The following FGGY variants were observed in gnomAD, a reference collection of about 807,000 sequenced individuals.
FGGY encodes the protein FGGY carbohydrate kinase domain-containing protein.
In FGGY, 72 loss-of-function variants were observed where a neutral mutation model predicts 71.3. That is an observed-to-expected ratio of 1.01 (90% CI 0.84 to 1.23). The LOEUF (loss-of-function observed/expected upper bound fraction) is 1.23, where lower values mean the gene tolerates loss of function less well. FGGY is among the 50% of genes most tolerant of loss of function. The pLI is 0.00. For missense variants in FGGY, 668 were observed against 682.3 expected (o/e 0.98, Z 0.23); for synonymous variants, 251 against 250.3 (o/e 1.00, Z -0.02).
At chr1:59,673,819 G>C in intron 13 of FGGY, 1 of 515,568 alleles carries the variant, frequency 1.9e-6, no homozygotes, top group East Asian at 3.3e-5. Context: ...TATGGTGTTG[G>C]TTCCCTTGGG....
chr1:59,443,538 C>A (rs1178624040), intron 5 of FGGY, among the ~76,000 whole-genome samples: 1 of 152,118 alleles, frequency 6.6e-6, no homozygotes, highest in Non-Finnish European at 1.5e-5. Context: ...CGATTATGCA[C>A]ACTTTAGATA....
chr1:59,745,846 G>A (rs1329188287), intron 14 of FGGY, among the ~76,000 whole-genome samples: 1 of 152,196 alleles, frequency 6.6e-6, no homozygotes, highest in Non-Finnish European at 1.5e-5. Flanking sequence ...GCTTTAAAGT[G>A]GAGAAGGACA....
intron 9 of FGGY, among the ~76,000 whole-genome samples, chr1:59,618,471 G>C (rs1558568599): frequency 6.6e-6 from 1 of 152,102 alleles, no homozygotes; most frequent in Non-Finnish European, 1.5e-5. Context: ...AACTGAATCT[G>C]ACTTTTGTGG....
chr1:59,308,539 C>G (rs1275166084), intron 1 of FGGY, among the ~76,000 whole-genome samples: 2 of 152,142 alleles, frequency 1.3e-5, no homozygotes, highest in Admixed American at 1.3e-4. Flanking sequence ...TATGATAGGT[C>G]TTTATACAAT....
intron 8 of FGGY, among the ~76,000 whole-genome samples, chr1:59,564,530 GTGTT>G (rs1251674764): frequency 3.3e-5 from 5 of 152,246 alleles, no homozygotes; most frequent in Non-Finnish European, 5.9e-5. Flanking sequence ...GCACTGCACA[GTGTT>G]TGTTTGTTAG....
At chr1:59,445,216 G>GT (rs1386031908) in intron 5 of FGGY, among the ~76,000 whole-genome samples, 22 of 152,164 alleles carry the variant, frequency 1.4e-4, no homozygotes, top group Non-Finnish European at 2.9e-4. Context: ...CAGCTTCTGA[G>GT]GTATGCACAG....
chr1:59,374,618 G>T (rs1315618091), intron 4 of FGGY, among the ~76,000 whole-genome samples: 1 of 151,904 alleles, frequency 6.6e-6, no homozygotes, highest in Non-Finnish European at 1.5e-5. Flanking sequence ...TGTTTATTGC[G>T]GCACTGTTCA....
chr1:59,605,832 T>C (rs749062692), intron 8 of FGGY, among the ~76,000 whole-genome samples: 9 of 152,172 alleles, frequency 5.9e-5, no homozygotes, highest in Non-Finnish European at 1.2e-4. Flanking sequence ...CCTCTGGGCC[T>C]AGCACATTAC....
At chr1:59,382,273 T>C (rs1287782576) in intron 5 of FGGY, among the ~76,000 whole-genome samples, 1 of 152,148 alleles carries the variant, frequency 6.6e-6, no homozygotes, top group Non-Finnish European at 1.5e-5. Flanking sequence ...AGTGAGTTGA[T>C]AGGGTGTGAT....
intron 8 of FGGY, among the ~76,000 whole-genome samples, chr1:59,566,835 A>T (rs946625760): frequency 6.6e-6 from 1 of 152,200 alleles, no homozygotes; most frequent in Non-Finnish European, 1.5e-5. Context: ...TTTTTAAAAC[A>T]TCTAGAGAAC....
chr1:59,727,545 G>T (rs2097962938), intron 14 of FGGY, among the ~76,000 whole-genome samples: 1 of 152,178 alleles, frequency 6.6e-6, no homozygotes, highest in South Asian at 2.1e-4. Flanking sequence ...ACTGCTGAAA[G>T]AAATTGGAGA....
chr1:59,355,827 A>C (rs565494858), intron 4 of FGGY, among the ~76,000 whole-genome samples: 15 of 151,836 alleles, frequency 9.9e-5, no homozygotes, highest in Non-Finnish European at 5.9e-5. Context: ...TTTAAAGGGC[A>C]CTCATTTCTT....
chr1:59,552,881 A>G (rs905074438), intron 7 of FGGY, among the ~76,000 whole-genome samples: 4 of 152,152 alleles, frequency 2.6e-5, no homozygotes, highest in Non-Finnish European at 5.9e-5. Context: ...CTATGCATGT[A>G]AGTAAGAGTG....
intron 5 of FGGY, among the ~76,000 whole-genome samples, chr1:59,446,923 A>G (rs2071409303): frequency 1.3e-5 from 2 of 152,196 alleles, no homozygotes. Flanking sequence ...GGAGAAATGC[A>G]TGAGAATGAT....
intron 7 of FGGY, among the ~76,000 whole-genome samples, chr1:59,537,855 A>C (rs2095359234): frequency 6.6e-6 from 1 of 152,220 alleles, no homozygotes; most frequent in Admixed American, 6.5e-5. Context: ...TTCAAGATGG[A>C]TTAAAGACTT....
chr1:59,298,799 C>G (rs761569827), intron 1 of FGGY, among the ~76,000 whole-genome samples: 1 of 152,170 alleles, frequency 6.6e-6, no homozygotes, highest in Non-Finnish European at 1.5e-5. Context: ...GATCACTTAC[C>G]TTCTCACCCG....
chr1:59,653,222 C>A (rs1349542084), intron 11 of FGGY, among the ~76,000 whole-genome samples: 1 of 152,228 alleles, frequency 6.6e-6, no homozygotes, highest in Non-Finnish European at 1.5e-5. Context: ...CTGTGCCCTG[C>A]CCCCAGAGGT....
rs570260876 is a variant in FGGY at position 59,702,150 on chromosome 1, CA to C, written c.1512+28018del. 1.7e-3 allele frequency among the ~76,000 whole-genome samples: 252 copies of C among 152,254 alleles called. 2 individuals are homozygous for C. Among genetic ancestry groups the C allele is most frequent in the African/African-American group, 5.8e-3 (239 of 41,562 alleles). ...GAGAACTCCCTCACTACCATGAGAA[CA>C]GCATGGTGGAAACAGCCCCCATGAT... On this transcript the variant is annotated intron_variant, in intron 14 of 15. Coordinates refer to ENST00000303721, the MANE Select transcript of FGGY (RefSeq NM_018291.5).
At chr1:59,421,208 G>A (rs1311730493) in intron 5 of FGGY, among the ~76,000 whole-genome samples, 1 of 152,156 alleles carries the variant, frequency 6.6e-6, no homozygotes, top group Non-Finnish European at 1.5e-5. Context: ...CACTCGTGGT[G>A]TGTCACCCTT....
Sources: allele counts gnomAD v4.1 joint callset (sites outside exome capture counted in the v4.1 genomes callset), GRCh38; gene constraint gnomAD v4.1.1; transcripts MANE v1.5; gene names NCBI Gene and HGNC (gene_info 2026-07-23, HGNC 2026-07-21).